The following NKAIN3 variants were observed in gnomAD, a reference collection of about 807,000 sequenced individuals.
NKAIN3 encodes the protein sodium/potassium transporting ATPase interacting 3, also known as sodium/potassium-transporting ATPase subunit beta-1-interacting protein 3.
Under a neutral mutation model 30.2 loss-of-function variants are expected in NKAIN3, and 25 were observed. The observed-to-expected ratio is 0.83, with a 90% CI of 0.60 to 1.16. NKAIN3 has a LOEUF of 1.16. Ranked by LOEUF, NKAIN3 falls within the 50% of genes most tolerant of loss-of-function variation. The pLI, the probability that NKAIN3 is intolerant of heterozygous loss-of-function variation, is 0.00. For synonymous variants in NKAIN3, 91 were observed against 89.6 expected, an observed-to-expected ratio of 1.02 and a Z score of -0.09; for missense variants, 225 against 254.1, an observed-to-expected ratio of 0.89 and a Z score of 0.78.
At chr8:62,326,380 T>TA (rs970499683) in intron 1 of NKAIN3, among the ~76,000 whole-genome samples, 2 of 151,488 alleles carry the variant, frequency 1.3e-5, no homozygotes, top group African/African-American at 4.9e-5. Context: ...GGACATTTGT[T>TA]ACTTATGATT....
At chr8:62,631,308 C>T (rs935679477) in intron 3 of NKAIN3, among the ~76,000 whole-genome samples, 1 of 152,150 alleles carries the variant, frequency 6.6e-6, no homozygotes, top group African/African-American at 2.4e-5. Flanking sequence ...CAGAGATTAA[C>T]CTTGCAATCC....
chr8:62,533,463 G>C (rs1341937358), intron 1 of NKAIN3, among the ~76,000 whole-genome samples: 5 of 146,926 alleles, frequency 3.4e-5, no homozygotes. Context: ...CCCCATGGCT[G>C]GGCAGGGCCT....
intron 4 of NKAIN3, among the ~76,000 whole-genome samples, chr8:62,850,897 C>G (rs1446575311): frequency 1.3e-5 from 2 of 152,054 alleles, no homozygotes; most frequent in African/African-American, 2.4e-5. Context: ...CGTGATGCCT[C>G]CAGCTTTGTT....
chr8:62,742,058 G>A (rs1421145280), intron 3 of NKAIN3, among the ~76,000 whole-genome samples: 1 of 151,546 alleles, frequency 6.6e-6, no homozygotes, highest in Non-Finnish European at 1.5e-5. Flanking sequence ...TTCTTAGCTG[G>A]GACTCTTTTT....
At chr8:62,306,472 C>T (rs1016941736) in intron 1 of NKAIN3, among the ~76,000 whole-genome samples, 3 of 149,560 alleles carry the variant, frequency 2.0e-5, no homozygotes, top group Non-Finnish European at 2.9e-5. Flanking sequence ...GCGAGCCCTA[C>T]CTGACTGACT....
intron 5 of NKAIN3, among the ~76,000 whole-genome samples, chr8:62,944,421 T>C (rs1212149412): frequency 1.3e-5 from 2 of 152,176 alleles, no homozygotes; most frequent in African/African-American, 4.8e-5. Context: ...GAAATCAGCA[T>C]TTTTATTAAA....
chr8:62,473,565 A>T (rs973127053), intron 1 of NKAIN3: 2 of 152,230 alleles, frequency 1.3e-5, no homozygotes, highest in Non-Finnish European at 2.9e-5. Context: ...TAAAGGGGTC[A>T]AAAATGGGAG....
chr8:62,411,740 A>G (rs1236063268), intron 1 of NKAIN3, among the ~76,000 whole-genome samples: 1 of 150,998 alleles, frequency 6.6e-6, no homozygotes, highest in Non-Finnish European at 1.5e-5. Context: ...AATAATCAGT[A>G]GCATTTCTAT....
At position 62,579,695 on chromosome 8, in the gene NKAIN3, A is replaced by G. The variant is rs1810233235; in HGVS notation, c.192+19A>G. 7.2e-7 allele frequency: 1 copy of G among 1,380,742 alleles called. No individual in the cohort carries two copies. Among genetic ancestry groups the G allele is most frequent in the Non-Finnish European group, 9.5e-7 (1 of 1,051,348 alleles). The allele number at this position is 1,380,742 out of a possible 1,614,324, so 85.5% of individuals were successfully genotyped here. ...AATGGTGGTAAGTCTTATTTTTATCATTTTGCTTCATATAAACAATTCAAA... is the reference window on the plus strand; with the variant it reads ...AATGGTGGTAAGTCTTATTTTTATCGTTTTGCTTCATATAAACAATTCAAA... On this transcript the variant is annotated intron_variant, in intron 2 of 6. Transcript: ENST00000623646.
chr8:62,935,539 T>G (rs1427198194), intron 5 of NKAIN3, among the ~76,000 whole-genome samples: 1 of 152,100 alleles, frequency 6.6e-6, no homozygotes, highest in Non-Finnish European at 1.5e-5. Context: ...TCCAGATATT[T>G]TGGGTGCCAA....
At chr8:62,320,756 G>A (rs867832727) in intron 1 of NKAIN3, among the ~76,000 whole-genome samples, 2 of 152,118 alleles carry the variant, frequency 1.3e-5, no homozygotes, top group African/African-American at 4.8e-5. Context: ...CTCTCTGTTT[G>A]CCCTTAACAT....
chr8:62,466,155 C>T (rs11995734), intron 1 of NKAIN3, among the ~76,000 whole-genome samples: 28,097 of 151,800 alleles, frequency 0.19, 2,710 homozygotes, highest in African/African-American at 0.22. Context: ...AGAACCTTAA[C>T]GAAAGTTCAA....
intron 4 of NKAIN3, among the ~76,000 whole-genome samples, chr8:62,806,735 C>T (rs963229624): frequency 7.9e-5 from 12 of 151,734 alleles, no homozygotes; most frequent in African/African-American, 2.9e-4. Context: ...AGCACACCAG[C>T]ATGGCACATG....
chr8:62,654,261 T>A (rs995877739), intron 3 of NKAIN3, among the ~76,000 whole-genome samples: 1 of 151,616 alleles, frequency 6.6e-6, no homozygotes, highest in Non-Finnish European at 1.5e-5. Context: ...GTTTTTCTCA[T>A]AAAGACTGGA....
intron 5 of NKAIN3, among the ~76,000 whole-genome samples, chr8:62,934,926 C>T (rs1822735464): frequency 6.6e-6 from 1 of 152,076 alleles, no homozygotes; most frequent in South Asian, 2.1e-4. Flanking sequence ...TTGACCTGCC[C>T]ATGGACTATT....
At chr8:62,524,092 G>A (rs1808231676) in intron 1 of NKAIN3, among the ~76,000 whole-genome samples, 1 of 151,932 alleles carries the variant, frequency 6.6e-6, no homozygotes, top group South Asian at 2.1e-4. Context: ...TAGAGCTGAA[G>A]ACAAGACTGT....
chr8:62,609,079 A>G (rs1402465199), intron 3 of NKAIN3, among the ~76,000 whole-genome samples: 1 of 152,172 alleles, frequency 6.6e-6, no homozygotes, highest in Non-Finnish European at 1.5e-5. Flanking sequence ...ACACCTGAGC[A>G]GCCTCTTGCT....
intron 4 of NKAIN3, among the ~76,000 whole-genome samples, chr8:62,751,725 A>G (rs1463137676): frequency 6.6e-6 from 1 of 152,188 alleles, no homozygotes; most frequent in African/African-American, 2.4e-5. Context: ...GCATATATAT[A>G]CTATAGCGAG....
intron 3 of NKAIN3, among the ~76,000 whole-genome samples, chr8:62,731,317 A>G (rs948766603): frequency 2.6e-5 from 4 of 151,674 alleles, no homozygotes; most frequent in Non-Finnish European, 4.4e-5. Flanking sequence ...GTGAAATTTG[A>G]TATTTTCAGT....
Sources: allele counts gnomAD v4.1 joint callset (sites outside exome capture counted in the v4.1 genomes callset), GRCh38; gene constraint gnomAD v4.1.1; transcripts MANE v1.5; gene names NCBI Gene and HGNC (gene_info 2026-07-23, HGNC 2026-07-21).